COL13A1: variants seen among roughly 807,000 people sequenced by gnomAD.
COL13A1 encodes collagen type XIII alpha 1 chain.
A neutral mutation model predicts 130.9 loss-of-function variants in COL13A1; 89 were observed. The ratio of observed to expected loss-of-function variants is 0.68; its 90% CI spans 0.57 to 0.81. The LOEUF is 0.81. Ranked by LOEUF, COL13A1 falls within the 30% of genes least tolerant of loss-of-function variation. COL13A1 has a pLI of 0.00. For missense variants in COL13A1, 879 were observed against 934.6 expected (o/e 0.94, Z 0.78); for synonymous variants, 402 against 341.6 (o/e 1.18, Z -1.95).
At chr10:69,861,426 G>A (rs2894303) in intron 2 of COL13A1, among the ~76,000 whole-genome samples, 104,063 of 151,990 alleles carry the variant, frequency 0.68, 36,450 homozygotes, top group East Asian at 0.95. Context: ...TTCCTTGCTC[G>A]TACATTCCAG....
chr10:69,846,958 G>A (rs1298196389), intron 2 of COL13A1, among the ~76,000 whole-genome samples: 1 of 152,192 alleles, frequency 6.6e-6, no homozygotes, highest in African/African-American at 2.4e-5. Context: ...CCCTCATTAG[G>A]GGCTCACCCC....
Position 69,930,506 on chromosome 10 carries a change from C to T in COL13A1, c.1637C>T (p.Pro546Leu). Residue 546 changes from proline (P) to leucine (L), a missense_variant, in exon 30 of 41, where the codon CCA becomes CTA. By Grantham distance (98) the Pro-to-Leu change is moderately conservative. Coordinates refer to ENST00000645393, the MANE Select transcript of COL13A1 (RefSeq NM_001368882.1). ...GGAGAAAACGGGCACCCAGGGAGCCCAGGAGAGAAGGGGGAAAAAGGGGAG... is the reference window on the plus strand; with the variant it reads ...GGAGAAAACGGGCACCCAGGGAGCCTAGGAGAGAAGGGGGAAAAAGGGGAG... ...VKGENGHPGS[P>L]GEKGEKGETG... 6.2e-7 allele frequency: 1 copy of T among 1,613,836 alleles called. No individual in the cohort carries two copies.
chr10:69,903,692 G>A lies in COL13A1; in HGVS notation c.858+837G>A, dbSNP rs558695355. ...TGGTAGAAAAACCAAAACAAAACCT[G>A]TTTTTCCTTCTTATGACAAAAGCAC... On this transcript the variant is annotated intron_variant, in intron 15 of 40. Transcript: ENST00000645393. Among the ~76,000 whole-genome samples the A allele has an allele frequency of 6.4e-4, 97 of 152,278 alleles. 1 individual carries two copies. Among genetic ancestry groups the A allele is most frequent in the African/African-American group, 2.3e-3 (94 of 41,554 alleles).
chr10:69,857,040 A>G (rs1242547608), intron 2 of COL13A1, among the ~76,000 whole-genome samples: 2 of 152,142 alleles, frequency 1.3e-5, no homozygotes, highest in Admixed American at 1.3e-4. Flanking sequence ...GTGGCAGCCC[A>G]GCCCCTCTGA....
At chr10:69,865,839 G>T (rs894354638) in intron 2 of COL13A1, among the ~76,000 whole-genome samples, 1 of 152,162 alleles carries the variant, frequency 6.6e-6, no homozygotes, top group African/African-American at 2.4e-5. Flanking sequence ...GGGGTAGGTT[G>T]CTTTCTGAAT....
At chr10:69,904,880 C>T in intron 15 of COL13A1, 53 bp from the exon 16 acceptor site, 1 of 1,534,938 alleles carries the variant, frequency 6.5e-7, no homozygotes, top group Non-Finnish European at 8.7e-7. Flanking sequence ...TAGCCCCAAC[C>T]AGCTCTACTC....
chr10:69,850,688 G>A (rs1370595503), intron 2 of COL13A1, among the ~76,000 whole-genome samples: 1 of 152,052 alleles, frequency 6.6e-6, no homozygotes, highest in Non-Finnish European at 1.5e-5. Context: ...CTGACTGTCA[G>A]CCAGCAGACT....
At chr10:69,925,932 C>T (rs77653893) in intron 26 of COL13A1, 60 bp downstream of exon 26, 43,904 of 1,413,680 alleles carry the variant, frequency 0.031, 786 homozygotes, top group Non-Finnish European at 0.035. Flanking sequence ...TGCACCATGC[C>T]CTGATCAGGG....
In COL13A1 at chr10:69,957,001, C is replaced by A; in HGVS notation, c.2146-3C>A. On this transcript the variant is annotated splice_region_variant and splice_polypyrimidine_tract_variant and intron_variant, in intron 39 of 40. Transcript: ENST00000645393. The stretch of plus-strand genomic sequence containing the variant: ...AGCCCTCTGCCTTCCTTTCTCCTTG[C>A]AGGGCGAAGATGGCTTACCAGTCCA... 6.2e-7 allele frequency: 1 copy of A among 1,613,560 alleles called. No homozygotes were observed. Among genetic ancestry groups the A allele is most frequent in the Non-Finnish European group, 8.5e-7 (1 of 1,179,508 alleles).
At chr10:69,887,776 G>C (rs2060742184) in intron 8 of COL13A1, among the ~76,000 whole-genome samples, 1 of 152,196 alleles carries the variant, frequency 6.6e-6, no homozygotes, top group Non-Finnish European at 1.5e-5. Flanking sequence ...GCATTGACCT[G>C]GGAATATAGA....
At chr10:69,869,523 A>G (rs2058850151) in intron 3 of COL13A1, among the ~76,000 whole-genome samples, 3 of 152,298 alleles carry the variant, frequency 2.0e-5, no homozygotes, top group Non-Finnish European at 4.4e-5. Context: ...GTCCTCCAAC[A>G]GGAAGACCCA....
At chr10:69,856,149 G>A (rs1856388359) in intron 2 of COL13A1, among the ~76,000 whole-genome samples, 1 of 152,242 alleles carries the variant, frequency 6.6e-6, no homozygotes, top group East Asian at 1.9e-4. Context: ...TGGTTTTTAA[G>A]TGTTCTTAAA....
At chr10:69,878,266 C>A (rs969020483) in intron 6 of COL13A1, among the ~76,000 whole-genome samples, 1 of 152,200 alleles carries the variant, frequency 6.6e-6, no homozygotes, top group Non-Finnish European at 1.5e-5. Flanking sequence ...TCCTGGGCGG[C>A]GGTCCCAGCT....
intron 2 of COL13A1, 143 bp from the exon 3 acceptor site, chr10:69,867,655 A>G (rs1029708733): frequency 1.4e-5 from 9 of 625,838 alleles, no homozygotes; most frequent in Non-Finnish European, 2.1e-5. Flanking sequence ...ATATTGGTGA[A>G]AGTAGGCCAG....
chr10:69,862,883 C>T (rs1589141472), intron 2 of COL13A1, among the ~76,000 whole-genome samples: 1 of 152,148 alleles, frequency 6.6e-6, no homozygotes, highest in Non-Finnish European at 1.5e-5. Context: ...CTTAGCATAG[C>T]GTCAGGCACA....
intron 2 of COL13A1, among the ~76,000 whole-genome samples, chr10:69,840,749 C>T (rs528971784): frequency 6.6e-6 from 1 of 152,102 alleles, no homozygotes; most frequent in East Asian, 1.9e-4. Context: ...ATGAGGGGCC[C>T]TCAAAGGCCC....
chr10:69,904,899 T>C, intron 15 of COL13A1, 34 bp from the exon 16 acceptor site: 1 of 1,533,816 alleles, frequency 6.5e-7, no homozygotes, highest in African/African-American at 1.5e-5. Context: ...TCACCTTTTC[T>C]TTTTTCTTTT....
chr10:69,877,752 T>G, intron 5 of COL13A1: 1 of 323,886 alleles, frequency 3.1e-6, no homozygotes, highest in Non-Finnish European at 5.9e-6. Context: ...CACACGTACG[T>G]GCCTCAAGAG....
At chr10:69,925,044 C>A (rs762995136) in intron 25 of COL13A1, 37 bp downstream of exon 25, 2 of 1,501,182 alleles carry the variant, frequency 1.3e-6, no homozygotes, top group Admixed American at 2.5e-5. Context: ...CAGCGTGAAG[C>A]GGCTGGTAAA....
Sources: allele counts gnomAD v4.1 joint callset (sites outside exome capture counted in the v4.1 genomes callset), GRCh38; gene constraint gnomAD v4.1.1; transcripts MANE v1.5; gene names NCBI Gene and HGNC (gene_info 2026-07-23, HGNC 2026-07-21).